CTNNA2: variants seen among roughly 807,000 people sequenced by gnomAD.
CTNNA2 encodes the protein catenin alpha 2, also known as catenin alpha-2.
Under a neutral mutation model 101.0 loss-of-function variants are expected in CTNNA2, and 42 were observed. The ratio of observed to expected loss-of-function variants is 0.42; its 90% CI spans 0.32 to 0.54. The LOEUF is 0.54. Among genes scored for constraint, CTNNA2 ranks in the 20% least tolerant of loss-of-function variants. CTNNA2 has a pLI of 0.14. For synonymous variants in CTNNA2, 450 were observed against 456.4 expected, an observed-to-expected ratio of 0.99 and a Z score of 0.18; for missense variants, 871 against 1,223.1, an observed-to-expected ratio of 0.71 and a Z score of 4.29.
intron 7 of CTNNA2, among the ~76,000 whole-genome samples, chr2:80,166,563 G>C (rs551237858): frequency 2.0e-5 from 3 of 152,152 alleles, no homozygotes; most frequent in Non-Finnish European, 4.4e-5. Context: ...GCTGTTGGCT[G>C]TTTCTGAGTT....
chr2:79,491,873 A>G (rs779144836), intron 4 of CTNNA2, among the ~76,000 whole-genome samples: 61 of 152,304 alleles, frequency 4.0e-4, no homozygotes, highest in Non-Finnish European at 6.6e-4. Flanking sequence ...AAGTACCTCT[A>G]TATGATGAAA....
chr2:79,694,063 C>G (rs985841864), intron 2 of CTNNA2, among the ~76,000 whole-genome samples: 1 of 151,904 alleles, frequency 6.6e-6, no homozygotes, highest in Non-Finnish European at 1.5e-5. Flanking sequence ...GTTTCAGTAA[C>G]ATTATTCAAA....
chr2:79,757,143 T>A (rs2105063461), intron 3 of CTNNA2, among the ~76,000 whole-genome samples: 1 of 152,346 alleles, frequency 6.6e-6, no homozygotes, highest in African/African-American at 2.4e-5. Context: ...AAACTTAGAA[T>A]AATTTTAGAC....
intron 2 of CTNNA2, among the ~76,000 whole-genome samples, chr2:79,654,022 C>G (rs770355383): frequency 1.3e-5 from 2 of 152,128 alleles, no homozygotes; most frequent in Non-Finnish European, 2.9e-5. Flanking sequence ...TTTATGGCAA[C>G]TTAGATACTC....
chr2:79,666,650 C>G (rs1050648308), intron 2 of CTNNA2, among the ~76,000 whole-genome samples: 1 of 152,102 alleles, frequency 6.6e-6, no homozygotes, highest in African/African-American at 2.4e-5. Flanking sequence ...GATTTTCAGA[C>G]GTTACTTCAA....
At chr2:80,284,391 C>T (rs1674594103) in intron 7 of CTNNA2, among the ~76,000 whole-genome samples, 1 of 152,060 alleles carries the variant, frequency 6.6e-6, no homozygotes, top group South Asian at 2.1e-4. Context: ...GAGCCCTATC[C>T]AGAGCAGTTC....
At chr2:79,331,207 C>T (rs745995196) in intron 3 of CTNNA2, among the ~76,000 whole-genome samples, 14 of 152,156 alleles carry the variant, frequency 9.2e-5, no homozygotes, top group Non-Finnish European at 1.8e-4. Flanking sequence ...CAGCTACCCA[C>T]ACTCCCTGCC....
chr2:80,293,637 T>C (rs912969017), intron 7 of CTNNA2, among the ~76,000 whole-genome samples: 1 of 152,156 alleles, frequency 6.6e-6, no homozygotes, highest in Admixed American at 6.5e-5. Flanking sequence ...ATTAGAGTGA[T>C]TTCCTTTGGT....
At chr2:79,901,776 G>A (rs17040671) in intron 6 of CTNNA2, among the ~76,000 whole-genome samples, 29,627 of 152,010 alleles carry the variant, frequency 0.19, 3,073 homozygotes, top group Non-Finnish European at 0.22. Context: ...ATAATCTGTG[G>A]GTAAAACCAT....
intron 7 of CTNNA2, among the ~76,000 whole-genome samples, chr2:80,271,700 G>C (rs575119430): frequency 5.9e-5 from 9 of 152,274 alleles, no homozygotes; most frequent in Admixed American, 5.9e-4. Context: ...GGGATTACAG[G>C]TGTGAGCCAC....
chr2:80,633,764 C>G (rs962531313), intron 18 of CTNNA2, among the ~76,000 whole-genome samples: 2 of 152,156 alleles, frequency 1.3e-5, no homozygotes, highest in Non-Finnish European at 2.9e-5. Context: ...TATTAAGGCA[C>G]CAGCACTATA....
chr2:79,216,428 G>T (rs1218052127), intron 2 of CTNNA2, among the ~76,000 whole-genome samples: 1 of 151,806 alleles, frequency 6.6e-6, no homozygotes, highest in Non-Finnish European at 1.5e-5. Flanking sequence ...GGGGTGCAGA[G>T]ATAAGAGGTC....
intron 2 of CTNNA2, among the ~76,000 whole-genome samples, chr2:79,228,274 T>C (rs1334832030): frequency 6.6e-6 from 1 of 152,218 alleles, no homozygotes; most frequent in Non-Finnish European, 1.5e-5. Flanking sequence ...ATCCTAGTAG[T>C]GGAATTGCTG....
chr2:79,652,517 C>T (rs1681332085), intron 2 of CTNNA2, among the ~76,000 whole-genome samples: 1 of 152,068 alleles, frequency 6.6e-6, no homozygotes, highest in African/African-American at 2.4e-5. Context: ...ATTTCTCTTG[C>T]ACTCTGACCT....
chr2:79,464,777 GT>G (rs1247420175), intron 4 of CTNNA2, among the ~76,000 whole-genome samples: 4 of 152,018 alleles, frequency 2.6e-5, no homozygotes, highest in Non-Finnish European at 5.9e-5. Flanking sequence ...CTGCATAAAT[GT>G]CTTCCTCTGA....
intron 7 of CTNNA2, among the ~76,000 whole-genome samples, chr2:79,941,116 C>T (rs1296609908): frequency 6.6e-6 from 1 of 152,174 alleles, no homozygotes; most frequent in Admixed American, 6.5e-5. Context: ...TTCTGCAGAT[C>T]CCAGCATTGC....
In CTNNA2 at chr2:79,600,095, G is replaced by A. The variant is rs76886120; in HGVS notation, c.-5-51457G>A. The stretch of plus-strand genomic sequence containing the variant: ...GCTAATTACGCATAAAATTTCCTAC[G>A]CATAGGAAGAGAATAATAGCAGTAA... On this transcript the variant is annotated intron_variant, in intron 1 of 18. Transcript: ENST00000402739. Among the ~76,000 whole-genome samples the A allele has an allele frequency of 5.2e-3, 785 of 152,144 alleles. 38 individuals carry two copies. In the East Asian group the frequency reaches 0.11, roughly 21 times the overall value.
At chr2:80,250,715 G>T (rs780562331) in intron 7 of CTNNA2, among the ~76,000 whole-genome samples, 8 of 152,078 alleles carry the variant, frequency 5.3e-5, no homozygotes, top group Admixed American at 1.3e-4. Flanking sequence ...AAAATAAAAG[G>T]TTCAGAGGCA....
intron 18 of CTNNA2, among the ~76,000 whole-genome samples, chr2:80,636,456 A>G (rs2149842583): frequency 6.6e-6 from 1 of 152,254 alleles, no homozygotes. Flanking sequence ...TTTGGCCTTC[A>G]GTGTTTGGTA....
Sources: gnomAD v4.1 joint callset for allele counts (sites outside exome capture counted in the v4.1 genomes callset) on GRCh38, gnomAD v4.1.1 for gene constraint, MANE v1.5 for transcripts, NCBI Gene and HGNC (gene_info 2026-07-23, HGNC 2026-07-21) for gene names.